The following PLAT variants were observed in gnomAD, a reference collection of about 807,000 sequenced individuals.
PLAT encodes plasminogen activator, tissue type.
A neutral mutation model predicts 74.9 loss-of-function variants in PLAT; 48 were observed. The observed-to-expected ratio is 0.64, with a 90% CI of 0.51 to 0.82. PLAT has a LOEUF of 0.82. PLAT is among the 40% of genes least tolerant of loss of function. The probability of loss-of-function intolerance (pLI) is 0.00; values close to 1 mark genes in which losing one functional copy is unlikely to be tolerated. For missense variants in PLAT, 673 were observed against 736.2 expected (o/e 0.91, Z 0.99); for synonymous variants, 307 against 294.4 (o/e 1.04, Z -0.44).
intron 1 of PLAT, among the ~76,000 whole-genome samples, chr8:42,194,241 A>AGAGAGAGAGAGAGAGAGAGAGAGT (rs1419569830): frequency 5.7e-5 from 3 of 52,580 alleles, no homozygotes; most frequent in African/African-American, 2.0e-4. Flanking sequence ...AGAGAGAGAG[A>AGAGAGAGAGAGAGAGAGAGAGAGT]GTGTGTGTGT....
rs559494707 is a variant in PLAT, at chr8:42,185,161, C to T, written c.551G>A (p.Arg184Gln). The change falls in exon 7 of 14, where the codon CGA becomes CAA. Residue 184 changes from arginine (R) to glutamine (Q), a missense_variant. Coordinates refer to ENST00000220809, the MANE Select transcript of PLAT (RefSeq NM_000930.5). ...GNHNYCRNPD[R>Q]DSKPWCYVFK... Reference sequence around the variant, plus strand: ...GACGTAGCACCAGGGCTTTGAGTCTCGATCTGGGTTTCTGAAAAATCAGCC... The same window carrying T: ...GACGTAGCACCAGGGCTTTGAGTCTTGATCTGGGTTTCTGAAAAATCAGCC... 19 of 1,610,890 alleles carry T rather than the reference C, an allele frequency of 1.2e-5. No individual in the cohort carries two copies. The East Asian group carries it at 1.3e-4, about 11-fold the overall frequency.
At chr8:42,179,732 C>T (rs1015276747) in intron 12 of PLAT, among the ~76,000 whole-genome samples, 194 bp downstream of exon 12, 1 of 152,178 alleles carries the variant, frequency 6.6e-6, no homozygotes, top group Non-Finnish European at 1.5e-5. Flanking sequence ...CTGTTGTGTC[C>T]TTTCCTGGCC....
chr8:42,195,805 A>G (rs1010353229), intron 1 of PLAT: 3 of 152,144 alleles, frequency 2.0e-5, no homozygotes, highest in African/African-American at 7.2e-5. Flanking sequence ...ATGTTCATGT[A>G]TCTCTAGGTT....
At chr8:42,198,365 G>C (rs891352151) in intron 1 of PLAT, among the ~76,000 whole-genome samples, 1 of 152,108 alleles carries the variant, frequency 6.6e-6, no homozygotes, top group Non-Finnish European at 1.5e-5. Context: ...GGTGGCGGGC[G>C]CCTATAATCC....
At chr8:42,178,616 GTCAA>G (rs968343518) in intron 13 of PLAT, among the ~76,000 whole-genome samples, 3 of 152,194 alleles carry the variant, frequency 2.0e-5, no homozygotes, top group African/African-American at 7.2e-5. Context: ...CACTTCAATA[GTCAA>G]TCAATTGCCT....
chr8:42,201,371 G>C (rs183629142), intron 1 of PLAT, among the ~76,000 whole-genome samples: 2 of 152,204 alleles, frequency 1.3e-5, no homozygotes, highest in East Asian at 1.9e-4. Flanking sequence ...CTGGGTGCAC[G>C]GCAGGAGCGA....
intron 1 of PLAT, among the ~76,000 whole-genome samples, chr8:42,206,087 G>A (rs1253104653): frequency 3.9e-5 from 6 of 152,200 alleles, no homozygotes; most frequent in Admixed American, 1.3e-4. Context: ...AGGGGGAGCC[G>A]CAGACACTGG....
Position 42,181,914 on chromosome 8 carries a change from GGCA to G in PLAT, c.889+20_889+22del. On this transcript the variant is annotated intron_variant, in intron 9 of 13. Transcript: ENST00000220809. ...GAAGAAGGGAGACCAGGTGCAGGGAGGCAGCCGGGGCCCAGCCCTTACAGCAGG... is the reference window on the plus strand; with the variant it reads ...GAAGAAGGGAGACCAGGTGCAGGGAGGCCGGGGCCCAGCCCTTACAGCAGG... 6.7e-7 allele frequency: 1 copy of G among 1,482,008 alleles called. No homozygotes were observed. The highest frequency in any genetic ancestry group is 2.3e-5 in the East Asian group (1 of 44,274). The allele number at this position is 1,482,008 out of a possible 1,614,324, so 91.8% of individuals were successfully genotyped here. A position where few individuals can be genotyped will look rare whatever the true frequency, so the allele number is the denominator to read the frequency against.
At chr8:42,190,821 A>G (rs955791377) in intron 3 of PLAT, among the ~76,000 whole-genome samples, 3 of 152,170 alleles carry the variant, frequency 2.0e-5, no homozygotes, top group Admixed American at 2.0e-4. Context: ...AGACCCCACC[A>G]TGTCGAGGGG....
At chr8:42,197,667 C>T (rs1015616169) in intron 1 of PLAT, among the ~76,000 whole-genome samples, 2 of 152,120 alleles carry the variant, frequency 1.3e-5, no homozygotes. Flanking sequence ...GGAGGAGGGA[C>T]AGGGGAAAGT....
intron 1 of PLAT, among the ~76,000 whole-genome samples, chr8:42,194,050 C>CTTTTTTTTTTTTTTT (rs59850705): frequency 1.6e-4 from 14 of 84,910 alleles, no homozygotes; most frequent in East Asian, 3.8e-4. Context: ...TTTCTTCTTT[C>CTTTTTTTTTTTTTTT]TTTTTTTTTT....
At position 42,185,130 on chromosome 8, in the gene PLAT, C is replaced by A. The variant is rs1176287465; in HGVS notation, c.582G>T (p.Lys194Asn). The change falls in exon 7 of 14, where the codon AAG becomes AAT. Residue 194 changes from lysine to asparagine, a missense_variant. Physicochemically the swap from Lys to Asn is moderately conservative, Grantham distance 94. Transcript: ENST00000220809. ...AGAACTCTGAGCTGTACTTCCCCGC[C>A]TTAAAGACGTAGCACCAGGGCTTTG... ...RDSKPWCYVFKAGKYSSEFCS... is the reference protein window; with the variant it reads ...RDSKPWCYVFNAGKYSSEFCS... 4 of 1,612,854 alleles carry A rather than the reference C, an allele frequency of 2.5e-6. No homozygotes were observed. Among genetic ancestry groups the A allele is most frequent in the Non-Finnish European group, 3.4e-6 (4 of 1,179,470 alleles).
chr8:42,178,613 A>G (rs2129691600), intron 13 of PLAT, among the ~76,000 whole-genome samples: 2 of 152,336 alleles, frequency 1.3e-5, no homozygotes, highest in Middle Eastern at 6.8e-3. Context: ...CATCACTTCA[A>G]TAGTCAATCA....
At chr8:42,178,853 C>T in intron 13 of PLAT, 44 bp downstream of exon 13, 10 of 1,567,970 alleles carry the variant, frequency 6.4e-6, no homozygotes, top group Non-Finnish European at 7.8e-6. Flanking sequence ...CAGGGGCATT[C>T]TCCCCTGGGT....
rs10667666 is a variant in PLAT at position 42,200,674 on chromosome 8, CA to C, written c.-27+6819del. Among the ~76,000 whole-genome samples the C allele has an allele frequency of 2.4e-3, 246 of 103,114 alleles. 1 individual carries two copies. Among genetic ancestry groups the C allele is most frequent in the African/African-American group, 4.1e-3 (104 of 25,234 alleles). 67.6% of individuals were successfully genotyped at this position (103,114 alleles called of 152,430 possible). On this transcript the variant is annotated intron_variant, in intron 1 of 13. Coordinates refer to ENST00000220809, the MANE Select transcript of PLAT (RefSeq NM_000930.5). ...CTTGAGACAGAGCAAGATCCTGTCT[CA>C]AAAAAAAAAAAAAAAAAAGTATAAG...
At chr8:42,179,720 T>C (rs2129698647) in intron 12 of PLAT, among the ~76,000 whole-genome samples, 1 of 152,246 alleles carries the variant, frequency 6.6e-6, no homozygotes, top group Admixed American at 6.5e-5. Flanking sequence ...GAGGCCCTCA[T>C]ACTGTTGTGT....
At chr8:42,184,865 G>C (rs1360957815) in intron 7 of PLAT, 5 of 425,166 alleles carry the variant, frequency 1.2e-5, no homozygotes, top group African/African-American at 8.1e-5. Flanking sequence ...TTGAGGGTCA[G>C]AGTGTGAGGA....
chr8:42,201,016 G>A (rs977827834), intron 1 of PLAT, among the ~76,000 whole-genome samples: 1 of 152,160 alleles, frequency 6.6e-6, no homozygotes, highest in Non-Finnish European at 1.5e-5. Context: ...TTTTAGTAGA[G>A]ACAGGGTTTC....
At chr8:42,185,058 A>G in intron 7 of PLAT, 23 bp downstream of exon 7, 1 of 1,526,190 alleles carries the variant, frequency 6.6e-7, no homozygotes, top group East Asian at 2.3e-5. Context: ...CATTCAGGGA[A>G]AGGCGGGGTG....
Sources: gnomAD v4.1 joint callset for allele counts (sites outside exome capture counted in the v4.1 genomes callset) on GRCh38, gnomAD v4.1.1 for gene constraint, MANE v1.5 for transcripts, NCBI Gene and HGNC (gene_info 2026-07-23, HGNC 2026-07-21) for gene names.